UBTF: variants seen among roughly 807,000 people sequenced by gnomAD.
UBTF encodes nucleolar transcription factor 1.
Under a neutral mutation model 112.3 loss-of-function variants are expected in UBTF, and 8 were observed. That is an observed-to-expected ratio of 0.07 (90% CI 0.04 to 0.13). The LOEUF (loss-of-function observed/expected upper bound fraction) is 0.13. Ranked by LOEUF, UBTF falls within the 10% of genes least tolerant of loss-of-function variation. UBTF has a pLI of 1.00. For synonymous variants in UBTF, 417 were observed against 373.1 expected, an observed-to-expected ratio of 1.12 and a Z score of -1.36; for missense variants, 457 against 982.1, an observed-to-expected ratio of 0.47 and a Z score of 7.15.
chr17:44,211,320 A>C lies in UBTF; in HGVS notation c.1059T>G (p.Asp353Glu), dbSNP rs772343806. The C allele has an allele frequency of 3.1e-6, 5 of 1,614,168 alleles. No individual in the cohort carries two copies. The highest frequency in any genetic ancestry group is 3.4e-6 in the Non-Finnish European group (4 of 1,180,032). ...YHKKCDQKKK[D>E]YEVELLRFLE... ...GGAAACGGAGCAGCTCCACCTCGTA[A>C]TCTTTCTTTTTCTGGGAAAGTGAGT... The change falls in exon 11 of 21, where the codon GAT (aspartate) becomes GAG (glutamate). Residue 353 changes from aspartate to glutamate, a missense_variant. Physicochemically the swap from Asp to Glu is conservative, Grantham distance 45. Transcript: ENST00000436088. The surrounding 1 kb of genome is among the most constrained non-coding windows in gnomAD (Gnocchi z 4.9).
At chr17:44,214,705 A>G (rs1429444974) in intron 5 of UBTF, among the ~76,000 whole-genome samples, 1 of 152,130 alleles carries the variant, frequency 6.6e-6, no homozygotes, top group Non-Finnish European at 1.5e-5. Context: ...GGGTATGCCA[A>G]CCAGGAAAAA....
rs781191286 is a variant in UBTF, at chr17:44,211,019, C to A, written c.1203+20G>T. 1 of 1,605,336 alleles carries A rather than the reference C, an allele frequency of 6.2e-7. No individual in the cohort carries two copies. The highest frequency in any genetic ancestry group is 2.2e-5 in the East Asian group (1 of 44,818). On this transcript the variant is annotated intron_variant, in intron 12 of 20. Coordinates refer to ENST00000436088, the MANE Select transcript of UBTF (RefSeq NM_014233.4). The surrounding 1 kb of genome is among the most constrained non-coding windows in gnomAD (Gnocchi z 4.9). ...CCAGTCTTGCCCACCCCCGCCTGCG[C>A]GGCCGCACCCTCTGCCCACCTTGCC...
rs759607287 is a variant in UBTF, at chr17:44,212,020, T to TG, written c.772-15dup. On this transcript the variant is annotated splice_polypyrimidine_tract_variant and intron_variant, in intron 8 of 20. Transcript: ENST00000436088. ...TCTCATGATCTCCTGCAGAGCCAGGTGGGGGGACGGAGGGCAATGGGGTGT... is the reference window on the plus strand; with the variant it reads ...TCTCATGATCTCCTGCAGAGCCAGGTGGGGGGGACGGAGGGCAATGGGGTGT... The TG allele has an allele frequency of 8.3e-6, 12 of 1,452,242 alleles. No homozygotes were observed. The highest frequency in any genetic ancestry group is 8.1e-5 in the East Asian group (3 of 37,220). 90.0% of individuals were successfully genotyped at this position (1,452,242 alleles called of 1,614,324 possible).
At chr17:44,212,695 C>A in intron 7 of UBTF, 124 bp downstream of exon 7, 1 of 1,513,782 alleles carries the variant, frequency 6.6e-7, no homozygotes, top group South Asian at 1.3e-5. Flanking sequence ...CCTGTCCATG[C>A]AGCCCACCCC....
At chr17:44,219,798 G>A (rs1444853160), upstream of UBTF, 1 of 151,422 alleles carries the variant, frequency 6.6e-6, no homozygotes, top group Non-Finnish European at 1.5e-5. Flanking sequence ...GAGAAGGGAG[G>A]AGGAGGAGCG....
Position 44,210,884 on chromosome 17 carries a change from G to C in UBTF, c.1267C>G (p.Arg423Gly). The C allele has an allele frequency of 6.3e-7, 1 of 1,595,202 alleles. No individual in the cohort carries two copies. Among genetic ancestry groups the C allele is most frequent in the South Asian group, 1.1e-5 (1 of 89,086 alleles). The change falls in exon 13 of 21, where the codon CGG (arginine) becomes GGG (glycine). Residue 423 changes from arginine to glycine, a missense_variant. Coordinates refer to ENST00000436088, the MANE Select transcript of UBTF (RefSeq NM_014233.4). ...AMFIFSEEKR[R>G]QLQEERPELS... ...TCAGGCCGCTCCTCCTGCAGCTGCC[G>C]CCGTTTCTCCTCCGAGAAGATGAAC... is the stretch of plus-strand genomic sequence containing the variant.
chr17:44,212,035 C>A, intron 8 of UBTF, 29 bp from the exon 9 acceptor site: 1 of 1,564,816 alleles, frequency 6.4e-7, no homozygotes, highest in Non-Finnish European at 8.7e-7. Flanking sequence ...GGACGGAGGG[C>A]AATGGGGTGT....
In UBTF at chr17:44,207,377, G is replaced by C. The variant is rs753966220; in HGVS notation, c.2170-10C>G. 2 of 1,612,710 alleles carry C rather than the reference G, an allele frequency of 1.2e-6. No homozygotes were observed. Among genetic ancestry groups the C allele is most frequent in the Non-Finnish European group, 8.5e-7 (1 of 1,179,380 alleles). ...CGTCATCCTCTTCATTCTGGGGGGT[G>C]AGAAAGGATGTGGAGTCACCAGGTG... On this transcript the variant is annotated splice_polypyrimidine_tract_variant and intron_variant, in intron 20 of 20. Coordinates refer to ENST00000436088, the MANE Select transcript of UBTF (RefSeq NM_014233.4).
At chr17:44,212,228 C>T in intron 8 of UBTF, 116 bp downstream of exon 8, 1 of 901,938 alleles carries the variant, frequency 1.1e-6, no homozygotes, top group Non-Finnish European at 1.7e-6. Context: ...CCCAGAAGGC[C>T]CCTCCCTCAA....
At chr17:44,215,462 G>T in intron 5 of UBTF, 192 bp downstream of exon 5, 1 of 651,556 alleles carries the variant, frequency 1.5e-6, no homozygotes, top group Non-Finnish European at 2.6e-6. Flanking sequence ...CATCTGTGAT[G>T]GTGCCTGTGC....
In UBTF at chr17:44,206,609, C is replaced by T. The variant is rs1333767771; in HGVS notation, c.*633G>A. ...CAGCCGAGATCGGTAGGAAACGTCT[C>T]GTTGACAGCTCAGAGCTTAAAAAAA... On this transcript the variant is annotated 3_prime_UTR_variant, in exon 21 of 21. Transcript: ENST00000436088. The T allele has an allele frequency of 6.7e-6, 1 of 149,962 alleles. No individual in the cohort carries two copies. Among genetic ancestry groups the T allele is most frequent in the African/African-American group, 2.5e-5 (1 of 40,384 alleles). The allele number at this position is 149,962 out of a possible 1,614,324, so 9.3% of individuals were successfully genotyped here. A position where few individuals can be genotyped will look rare whatever the true frequency, so the allele number is the denominator to read the frequency against.
At chr17:44,212,028 C>T (rs373430347) in intron 8 of UBTF, 22 bp from the exon 9 acceptor site, 74 of 1,443,000 alleles carry the variant, frequency 5.1e-5, no homozygotes, top group African/African-American at 6.1e-5. Context: ...GGTGGGGGGA[C>T]GGAGGGCAAT....
chr17:44,220,470 C>T (rs1470096090), upstream of UBTF, among the ~76,000 whole-genome samples: 1 of 151,758 alleles, frequency 6.6e-6, no homozygotes, highest in African/African-American at 2.4e-5. Flanking sequence ...GCCTACCTCG[C>T]GGTCCTCTCC....
rs1007598986 is a variant in UBTF at position 44,218,277 on chromosome 17, G to T, written c.-48C>A. 6.2e-7 allele frequency: 1 copy of T among 1,603,874 alleles called. No homozygotes were observed. ...CTCGGTCGTGCTGGCCGGGCAACCC[G>T]GGGTCAAAGCCACCTCACCCTTTGG... is the stretch of plus-strand genomic sequence containing the variant. On this transcript the variant is annotated 5_prime_UTR_variant, in exon 2 of 21. Coordinates refer to ENST00000436088, the MANE Select transcript of UBTF (RefSeq NM_014233.4).
Position 44,211,190 on chromosome 17 carries a change from C to A in UBTF, c.1090-38G>T. The A allele has an allele frequency of 1.9e-6, 3 of 1,613,042 alleles. No individual in the cohort carries two copies. The highest frequency in any genetic ancestry group is 2.5e-6 in the Non-Finnish European group (3 of 1,179,680). On this transcript the variant is annotated intron_variant, in intron 11 of 20. Transcript: ENST00000436088. The surrounding 1 kb of genome is among the most constrained non-coding windows in gnomAD (Gnocchi z 4.9). ...GAGGAGCACGGGGCTGCATGCCTGG[C>A]ACCCAGACTGCATGGTGCCCTATCT... is the stretch of plus-strand genomic sequence containing the variant.
chr17:44,209,772 C>T lies in UBTF; in HGVS notation c.1627-39G>A, dbSNP rs974644767. On this transcript the variant is annotated intron_variant, in intron 15 of 20. Transcript: ENST00000436088. ...GGTCACGCTCACCCCCCAGTCCCAC[C>T]CCCAAAATACTGCTGCCTTCTGCCT... 5.6e-6 allele frequency: 9 copies of T among 1,596,850 alleles called. No homozygotes were observed. In the Admixed American group the frequency reaches 6.8e-5, roughly 12 times the overall value.
chr17:44,208,148 G>A (rs986973243), intron 17 of UBTF, among the ~76,000 whole-genome samples: 2 of 145,962 alleles, frequency 1.4e-5, no homozygotes, highest in African/African-American at 5.1e-5. Context: ...TGTCACCCAG[G>A]CTGGAGTGCA....
Position 44,211,729 on chromosome 17 carries a change from G to A in UBTF, c.924C>T (p.Tyr308=). Reference sequence around the variant, plus strand: ...TCATGTTGGCCATGAGCTCTGCGCAGTACAGCGAGTAGCTGTTCCTATCAG... The same window carrying A: ...TCATGTTGGCCATGAGCTCTGCGCAATACAGCGAGTAGCTGTTCCTATCAG... ...TKPPPNSYSL[Y]CAELMANMKD... is the part of the protein sequence containing the mutation. Residue 308 remains tyrosine, a synonymous_variant, in exon 10 of 21, where the codon TAC becomes TAT. Coordinates refer to ENST00000436088, the MANE Select transcript of UBTF (RefSeq NM_014233.4). This position sits in a 1 kb window ranked among gnomAD's most constrained non-coding sequence, Gnocchi z 4.9. The A allele has an allele frequency of 1.5e-5, 24 of 1,607,388 alleles. No homozygotes were observed. Among genetic ancestry groups the A allele is most frequent in the Non-Finnish European group, 2.0e-5 (24 of 1,179,636 alleles).
chr17:44,211,578 AG>A lies in UBTF; in HGVS notation c.1047+27del. The stretch of plus-strand genomic sequence containing the variant: ...TCAGACCTCATGCTTCAAAACCCCA[AG>A]GCAGGGTGGCCCCTGCCACAGCTCA... On this transcript the variant is annotated intron_variant, in intron 10 of 20. Coordinates refer to ENST00000436088, the MANE Select transcript of UBTF (RefSeq NM_014233.4). The surrounding 1 kb of genome is among the most constrained non-coding windows in gnomAD (Gnocchi z 4.9). 1 of 1,601,988 alleles carries A rather than the reference AG, an allele frequency of 6.2e-7. No homozygotes were observed. Among genetic ancestry groups the A allele is most frequent in the Non-Finnish European group, 8.5e-7 (1 of 1,175,162 alleles).
Sources: allele counts gnomAD v4.1 joint callset (sites outside exome capture counted in the v4.1 genomes callset), GRCh38; gene constraint gnomAD v4.1.1; non-coding constraint Gnocchi (gnomAD v3.1); transcripts MANE v1.5; gene names NCBI Gene and HGNC (gene_info 2026-07-23, HGNC 2026-07-21).